Variants in FHIT observed in about 807,000 individuals in gnomAD.
The protein encoded by FHIT is bis(5'-adenosyl)-triphosphatase.
A neutral mutation model predicts 17.9 loss-of-function variants in FHIT; 19 were observed. That is an observed-to-expected ratio of 1.06 (90% confidence interval 0.74 to 1.56). FHIT has a LOEUF of 1.56. Among genes scored for constraint, FHIT ranks in the 40% most tolerant of loss-of-function variants. The probability of loss-of-function intolerance (pLI) is 0.00; values close to 1 mark genes in which losing one functional copy is unlikely to be tolerated. For missense variants in FHIT, 248 were observed against 189.2 expected (o/e 1.31, Z -1.82); for synonymous variants, 81 against 69.7 (o/e 1.16, Z -0.81).
chr3:60,899,499 T>A (rs2107215969), intron 3 of FHIT, among the ~76,000 whole-genome samples: 1 of 152,314 alleles, frequency 6.6e-6, no homozygotes, highest in African/African-American at 2.4e-5. Flanking sequence ...TAATAAACCT[T>A]TGCAGAATCC....
intron 5 of FHIT, among the ~76,000 whole-genome samples, chr3:60,232,424 T>C (rs1206168776): frequency 2.0e-5 from 3 of 152,210 alleles, no homozygotes; most frequent in Non-Finnish European, 4.4e-5. Flanking sequence ...TGAGCAGGAC[T>C]GAAGGGAAGT....
At chr3:59,904,060 T>C (rs1454662815) in intron 8 of FHIT, among the ~76,000 whole-genome samples, 3 of 151,878 alleles carry the variant, frequency 2.0e-5, no homozygotes, top group South Asian at 2.1e-4. Context: ...AAATAGTGGC[T>C]ACTTCTTTTT....
intron 3 of FHIT, among the ~76,000 whole-genome samples, chr3:60,930,123 C>T (rs1481190620): frequency 1.3e-5 from 2 of 151,824 alleles, no homozygotes; most frequent in African/African-American, 4.9e-5. Context: ...GAAAGGATTC[C>T]CTATTTAATA....
At chr3:61,182,749 G>A (rs952918092) in intron 2 of FHIT, among the ~76,000 whole-genome samples, 2 of 152,114 alleles carry the variant, frequency 1.3e-5, no homozygotes, top group African/African-American at 4.8e-5. Flanking sequence ...CAGGATAGGG[G>A]GTATGGGGGG....
At position 60,364,709 on chromosome 3, in the gene FHIT, G is replaced by T. The variant is rs1270202889; in HGVS notation, c.103+172151C>A. ...ATTATTTCTGTGTGTATCAGTGAGG[G>T]TGTTTCCAGAAGAGAATAGCATTTG... On this transcript the variant is annotated intron_variant, in intron 5 of 9. Coordinates refer to ENST00000492590, the MANE Select transcript of FHIT (RefSeq NM_002012.4). Among the ~76,000 whole-genome samples the T allele has an allele frequency of 2.0e-5, 3 of 152,202 alleles. No homozygotes were observed. The East Asian group carries it at 5.8e-4, about 29-fold the overall frequency.
intron 5 of FHIT, among the ~76,000 whole-genome samples, chr3:60,292,706 G>T (rs949630518): frequency 6.6e-6 from 1 of 152,082 alleles, no homozygotes; most frequent in African/African-American, 2.4e-5. Context: ...GGAAATCAAA[G>T]AATGAAAGCT....
Position 60,100,641 on chromosome 3 carries a change from C to A in FHIT, c.104-86489G>T, listed in dbSNP as rs143635090. ...GTCTTGTATCAAAAACACCACAAAT[C>A]ACTGGGATTGCTCTGTCATGGGGTA... On this transcript the variant is annotated intron_variant, in intron 5 of 9. Coordinates refer to ENST00000492590, the MANE Select transcript of FHIT (RefSeq NM_002012.4). Among the ~76,000 whole-genome samples, 1,186 of 152,280 alleles carry A rather than the reference C, an allele frequency of 7.8e-3. 10 individuals are homozygous for A. Among genetic ancestry groups the A allele is most frequent in the Non-Finnish European group, 0.013 (891 of 68,018 alleles).
At chr3:60,125,195 G>A (rs969082740) in intron 5 of FHIT, among the ~76,000 whole-genome samples, 1 of 152,116 alleles carries the variant, frequency 6.6e-6, no homozygotes. Context: ...AGCCAGCCAG[G>A]GTCTAGAGTT....
At chr3:60,779,947 C>T (rs959591428) in intron 4 of FHIT, among the ~76,000 whole-genome samples, 24 of 152,162 alleles carry the variant, frequency 1.6e-4, no homozygotes, top group Non-Finnish European at 2.1e-4. Context: ...TGGGTAAGAG[C>T]GGATGATTCC....
chr3:59,826,297 G>C (rs1466636021), intron 8 of FHIT, among the ~76,000 whole-genome samples: 1 of 152,132 alleles, frequency 6.6e-6, no homozygotes. Context: ...TTTTTGTAGA[G>C]ATGGGGTTTC....
At chr3:60,110,660 G>A (rs1317925549) in intron 5 of FHIT, among the ~76,000 whole-genome samples, 1 of 152,058 alleles carries the variant, frequency 6.6e-6, no homozygotes, top group Non-Finnish European at 1.5e-5. Context: ...ACTTCATAGA[G>A]GTGTTTGAAA....
intron 5 of FHIT, among the ~76,000 whole-genome samples, chr3:60,302,671 A>C (rs992084619): frequency 6.6e-6 from 1 of 152,156 alleles, no homozygotes; most frequent in Non-Finnish European, 1.5e-5. Context: ...CGTATTCCCC[A>C]GTCTTCCAAC....
chr3:61,016,127 A>C (rs1354471874), intron 3 of FHIT, among the ~76,000 whole-genome samples: 1 of 152,184 alleles, frequency 6.6e-6, no homozygotes, highest in African/African-American at 2.4e-5. Context: ...ACATTTAAGA[A>C]ATTATCTGAA....
At chr3:61,236,174 A>G (rs1217677633) in intron 1 of FHIT, among the ~76,000 whole-genome samples, 1 of 148,208 alleles carries the variant, frequency 6.7e-6, no homozygotes, top group Non-Finnish European at 1.5e-5. Context: ...CATATACTAT[A>G]ATAATATATT....
chr3:60,430,871 A>G (rs1702862495), intron 5 of FHIT, among the ~76,000 whole-genome samples: 2 of 152,060 alleles, frequency 1.3e-5, no homozygotes, highest in South Asian at 4.1e-4. Flanking sequence ...GATTCAGGGC[A>G]GTGATAATTC....
At chr3:60,372,805 G>A (rs1700385163) in intron 5 of FHIT, among the ~76,000 whole-genome samples, 1 of 151,928 alleles carries the variant, frequency 6.6e-6, no homozygotes, top group Non-Finnish European at 1.5e-5. Flanking sequence ...TGTATTTGGA[G>A]GCTGATATGA....
chr3:60,149,675 C>T (rs1225659098), intron 5 of FHIT, among the ~76,000 whole-genome samples: 1 of 151,994 alleles, frequency 6.6e-6, no homozygotes, highest in Non-Finnish European at 1.5e-5. Flanking sequence ...GGAATTCAAT[C>T]ATCTCCTCCT....
chr3:60,628,108 C>G (rs1183636798), intron 4 of FHIT, among the ~76,000 whole-genome samples: 3 of 152,110 alleles, frequency 2.0e-5, no homozygotes, highest in African/African-American at 7.2e-5. Flanking sequence ...CCTCAAAGCC[C>G]TGTTTTAGTT....
At chr3:60,728,043 A>G (rs2041953724) in intron 4 of FHIT, among the ~76,000 whole-genome samples, 1 of 152,226 alleles carries the variant, frequency 6.6e-6, no homozygotes, top group Non-Finnish European at 1.5e-5. Context: ...TAGTATGTCC[A>G]TAACCAAATA....
Sources: allele counts gnomAD v4.1 joint callset (sites outside exome capture counted in the v4.1 genomes callset), GRCh38; gene constraint gnomAD v4.1.1; transcripts MANE v1.5; gene names NCBI Gene and HGNC (gene_info 2026-07-23, HGNC 2026-07-21).